VGLL4: variants seen among roughly 807,000 people sequenced by gnomAD.
VGLL4 encodes transcription cofactor vestigial-like protein 4.
VGLL4 carries 7 observed loss-of-function variants against 21.0 expected under a neutral mutation model. The observed-to-expected ratio is 0.33, with a 90% confidence interval of 0.19 to 0.63. The LOEUF is 0.63. Among genes scored for constraint, VGLL4 ranks in the 20% least tolerant of loss-of-function variants. The pLI is 0.78. For missense variants in VGLL4, 394 were observed against 425.7 expected, an observed-to-expected ratio of 0.93 and a Z score of 0.66; for synonymous variants, 222 against 173.2, an observed-to-expected ratio of 1.28 and a Z score of -2.21.
chr3:11,585,553 G>A (rs1018484930), intron 2 of VGLL4, among the ~76,000 whole-genome samples: 3 of 152,122 alleles, frequency 2.0e-5, no homozygotes, highest in African/African-American at 7.2e-5. Flanking sequence ...TCTTGTTTCA[G>A]ATTTGTAGGT....
chr3:11,586,908 A>G (rs2074374147), intron 2 of VGLL4, among the ~76,000 whole-genome samples: 1 of 152,230 alleles, frequency 6.6e-6, no homozygotes, highest in African/African-American at 2.4e-5. Context: ...AGTTTCAAAT[A>G]TTAGCCTCAA....
At position 11,564,812 on chromosome 3, in the gene VGLL4, C is replaced by G. The variant is rs774301366; in HGVS notation, c.480G>C (p.Pro160=). 1.9e-6 allele frequency: 3 copies of G among 1,569,998 alleles called. No homozygotes were observed. The highest frequency in any genetic ancestry group is 2.6e-6 in the Non-Finnish European group (3 of 1,160,380). Residue 160 remains proline (P), a synonymous_variant, in exon 3 of 5, where the codon CCG becomes CCC. Transcript: ENST00000430365. The part of the protein sequence containing the change: ...RPAGLSPTLT[P]GERQQNRPSV... ...AGAGGCCCACCTGCTGCCGCTCCCCCGGGGTCAGTGTGGGCGAGAGGCCGG... is the reference window on the plus strand; with the variant it reads ...AGAGGCCCACCTGCTGCCGCTCCCCGGGGGTCAGTGTGGGCGAGAGGCCGG...
intron 1 of VGLL4, chr3:11,612,474 G>A (rs969991532): frequency 2.6e-5 from 4 of 152,178 alleles, no homozygotes; most frequent in Non-Finnish European, 4.4e-5. Flanking sequence ...TTGAGGTTGG[G>A]TTTTAGCTTT....
chr3:11,570,472 G>A (rs749080568), intron 2 of VGLL4, among the ~76,000 whole-genome samples: 2 of 152,202 alleles, frequency 1.3e-5, no homozygotes, highest in Non-Finnish European at 2.9e-5. Context: ...TGGCTGGACC[G>A]TGCACTCCCG....
intron 2 of VGLL4, among the ~76,000 whole-genome samples, chr3:11,680,854 G>T (rs989284971): frequency 1.3e-5 from 2 of 152,214 alleles, no homozygotes; most frequent in African/African-American, 4.8e-5. Context: ...TCAGCACTTA[G>T]TATGGCACCT....
intron 2 of VGLL4, among the ~76,000 whole-genome samples, chr3:11,654,761 T>C (rs780787692): frequency 1.1e-4 from 16 of 152,206 alleles, no homozygotes; most frequent in Non-Finnish European, 2.2e-4. Context: ...ACAGTTAACA[T>C]GTCCTGGATT....
Position 11,703,290 on chromosome 3 carries a change from AG to A in VGLL4, c.-13-244del, listed in dbSNP as rs533262844. ...GGAAGCAGCTGATGTAGGAACTAAA[AG>A]AAGGGATATTGTGAATATTCATGCC... On this transcript the variant is annotated intron_variant, in intron 1 of 5. Coordinates refer to the VGLL4 transcript ENST00000273038. Among the ~76,000 whole-genome samples the A allele has an allele frequency of 2.6e-4, 39 of 152,372 alleles. No homozygotes were observed. The East Asian group carries it at 7.1e-3, about 28-fold the overall frequency.
chr3:11,579,933 A>G (rs1175875299), intron 2 of VGLL4, among the ~76,000 whole-genome samples: 3 of 152,202 alleles, frequency 2.0e-5, no homozygotes, highest in Non-Finnish European at 2.9e-5. Flanking sequence ...GTCACCCCAG[A>G]TGAGTATGGA....
At chr3:11,664,793 G>A (rs1168654429) in intron 2 of VGLL4, among the ~76,000 whole-genome samples, 2 of 152,168 alleles carry the variant, frequency 1.3e-5, no homozygotes, top group Non-Finnish European at 2.9e-5. Flanking sequence ...TATAAAACAT[G>A]TTTTATAGAT....
intron 2 of VGLL4, among the ~76,000 whole-genome samples, chr3:11,667,849 T>C (rs1388793698): frequency 8.2e-6 from 1 of 122,516 alleles, no homozygotes; most frequent in Non-Finnish European, 1.7e-5. Context: ...CTTCTTTTTT[T>C]TTTTTTTTTT....
chr3:11,676,319 G>A (rs539063828), intron 2 of VGLL4, among the ~76,000 whole-genome samples: 57 of 151,798 alleles, frequency 3.8e-4, no homozygotes, highest in Non-Finnish European at 5.3e-4. Context: ...CCCAGGAGGC[G>A]GAGCTTGCAG....
intron 2 of VGLL4, among the ~76,000 whole-genome samples, chr3:11,649,856 T>G (rs189602413): frequency 6.6e-6 from 1 of 152,190 alleles, no homozygotes; most frequent in Non-Finnish European, 1.5e-5. Flanking sequence ...TAAGCCTCAG[T>G]CCTTAGAGTA....
rs113572288 is a variant in VGLL4, at chr3:11,624,842, G to A, written c.82+18595C>T. Reference sequence around the variant, plus strand: ...GTACCAGCTAGTCTCAACTTGATCCGAAGGAACACTGCTAGCATTCTCTCA... The same window carrying A: ...GTACCAGCTAGTCTCAACTTGATCCAAAGGAACACTGCTAGCATTCTCTCA... On this transcript the variant is annotated intron_variant, in intron 1 of 4. Coordinates refer to ENST00000430365, the MANE Select transcript of VGLL4 (RefSeq NM_001128219.3). Among the ~76,000 whole-genome samples the A allele has an allele frequency of 3.3e-3, 495 of 152,226 alleles. 5 individuals are homozygous for A. The highest frequency in any genetic ancestry group is 0.01 in the African/African-American group (418 of 41,508).
chr3:11,702,185 A>G (rs1447788379), intron 2 of VGLL4, among the ~76,000 whole-genome samples: 1 of 152,154 alleles, frequency 6.6e-6, no homozygotes, highest in African/African-American at 2.4e-5. Flanking sequence ...CAATTAGTCT[A>G]TCAACTAACA....
At chr3:11,561,230 C>T (rs2072968632) in intron 3 of VGLL4, among the ~76,000 whole-genome samples, 2 of 152,148 alleles carry the variant, frequency 1.3e-5, no homozygotes, top group African/African-American at 2.4e-5. Flanking sequence ...ACTGGGGAGA[C>T]ATTTCGAGCA....
At chr3:11,702,038 T>C (rs995658193) in intron 2 of VGLL4, among the ~76,000 whole-genome samples, 2 of 152,056 alleles carry the variant, frequency 1.3e-5, no homozygotes, top group African/African-American at 2.4e-5. Flanking sequence ...ACATTTTTTT[T>C]CTCCCAGTAT....
intron 2 of VGLL4, among the ~76,000 whole-genome samples, chr3:11,574,785 ATGTGTGTGTG>A (rs375691226): frequency 0.012 from 1,500 of 121,774 alleles, 12 homozygotes; most frequent in Middle Eastern, 0.024. Context: ...TCAACTATAT[ATGTGTGTGTG>A]TGTGTGTGTG....
intron 2 of VGLL4, among the ~76,000 whole-genome samples, chr3:11,677,056 C>T (rs745927028): frequency 5.3e-5 from 8 of 152,150 alleles, no homozygotes; most frequent in Non-Finnish European, 1.2e-4. Context: ...GAGTTACTAT[C>T]ATCCTATATA....
At chr3:11,721,032 T>C (rs904687822), upstream of VGLL4, among the ~76,000 whole-genome samples, 1 of 152,338 alleles carries the variant, frequency 6.6e-6, no homozygotes, top group South Asian at 2.1e-4. Context: ...AAATAGAGAC[T>C]GGACTTCCTC....
Sources: allele counts gnomAD v4.1 joint callset (sites outside exome capture counted in the v4.1 genomes callset), GRCh38; gene constraint gnomAD v4.1.1; transcripts MANE v1.5; gene names NCBI Gene and HGNC (gene_info 2026-07-23, HGNC 2026-07-21).